Variants in CYP4F3 observed in about 807,000 individuals in gnomAD.
CYP4F3 encodes the protein cytochrome P450 family 4 subfamily F member 3.
Under a neutral mutation model 54.8 loss-of-function variants are expected in CYP4F3, and 50 were observed. That is an observed-to-expected ratio of 0.91 (90% confidence interval 0.73 to 1.16). The LOEUF (loss-of-function observed/expected upper bound fraction) is 1.16, where lower values mean the gene tolerates loss of function less well. Ranked by LOEUF, CYP4F3 falls within the 50% of genes most tolerant of loss-of-function variation. The pLI is 0.00. For synonymous variants in CYP4F3, 244 were observed against 262.6 expected (o/e 0.93, Z 0.69); for missense variants, 715 against 676.2 (o/e 1.06, Z -0.64).
In CYP4F3 at chr19:15,641,537, T is replaced by A; in HGVS notation, c.122T>A (p.Phe41Tyr). 6.2e-7 allele frequency: 1 copy of A among 1,614,108 alleles called. No individual in the cohort carries two copies. Among genetic ancestry groups the A allele is most frequent in the Non-Finnish European group, 8.5e-7 (1 of 1,180,026 alleles). The change falls in exon 2 of 13, where the codon TTC (phenylalanine) becomes TAC (tyrosine). Residue 41 changes from phenylalanine to tyrosine, a missense_variant. Phe to Tyr is a conservative substitution (Grantham distance 22). Coordinates refer to ENST00000221307, the MANE Select transcript of CYP4F3 (RefSeq NM_000896.3). ...LARILAWTYT[F>Y]YDNCCRLRCF... The stretch of plus-strand genomic sequence containing the variant: ...CGCATCCTGGCCTGGACCTATACCT[T>A]CTATGACAACTGCTGCCGCCTCCGG...
rs1972887762 is a variant in CYP4F3 at position 15,652,563 on chromosome 19, C to A, written c.919-6C>A. On this transcript the variant is annotated splice_region_variant and splice_polypyrimidine_tract_variant and intron_variant, in intron 7 of 12. Coordinates refer to ENST00000221307, the MANE Select transcript of CYP4F3 (RefSeq NM_000896.3). Reference sequence around the variant, plus strand: ...TGGGGGTGGGGGGTTATTGCCTTCTCTCCAGGATGAAGATGGGAAGAAGTT... The same window carrying A: ...TGGGGGTGGGGGGTTATTGCCTTCTATCCAGGATGAAGATGGGAAGAAGTT... 1 of 1,613,998 alleles carries A rather than the reference C, an allele frequency of 6.2e-7. No individual in the cohort carries two copies. Among genetic ancestry groups the A allele is most frequent in the Non-Finnish European group, 8.5e-7 (1 of 1,180,022 alleles).
chr19:15,655,545 C>G (rs890779520), intron 9 of CYP4F3, among the ~76,000 whole-genome samples: 8 of 152,176 alleles, frequency 5.3e-5, no homozygotes, highest in Non-Finnish European at 1.2e-4. Context: ...CCTTATTAAG[C>G]TCCACCTTAG....
chr19:15,641,687 G>T, intron 2 of CYP4F3, 74 bp downstream of exon 2: 1 of 1,152,514 alleles, frequency 8.7e-7, no homozygotes, highest in South Asian at 1.2e-5. Context: ...TGAGGCTCAG[G>T]TGAGAGGGGG....
At chr19:15,657,150 T>A (rs115294094) in intron 9 of CYP4F3, among the ~76,000 whole-genome samples, 1,846 of 152,316 alleles carry the variant, frequency 0.012, 38 homozygotes, top group African/African-American at 0.042. Context: ...TTCCCATTAA[T>A]GTATATTTGG....
At chr19:15,650,700 CTTTCTT>C (rs1410740500) in intron 7 of CYP4F3, among the ~76,000 whole-genome samples, 1 of 59,422 alleles carries the variant, frequency 1.7e-5, no homozygotes, top group Non-Finnish European at 2.9e-5. Context: ...TTCTTTCTTT[CTTTCTT>C]TCTTTCTTTC....
At chr19:15,650,556 C>T (rs1468104250) in intron 7 of CYP4F3, among the ~76,000 whole-genome samples, 1 of 152,070 alleles carries the variant, frequency 6.6e-6, no homozygotes, top group Non-Finnish European at 1.5e-5. Context: ...ATGTCTATGT[C>T]TTTGTCTTTT....
intron 4 of CYP4F3, 39 bp from the exon 5 acceptor site, chr19:15,647,158 G>T: frequency 6.2e-7 from 1 of 1,613,988 alleles, no homozygotes; most frequent in Non-Finnish European, 8.5e-7. Context: ...GCCAGGGGAG[G>T]GAGATGCCCT....
At chr19:15,655,162 G>A (rs949202554) in intron 9 of CYP4F3, among the ~76,000 whole-genome samples, 1 of 152,126 alleles carries the variant, frequency 6.6e-6, no homozygotes, top group East Asian at 1.9e-4. Flanking sequence ...TTGGCCATTT[G>A]TATGTTTTAT....
At position 15,659,270 on chromosome 19, in the gene CYP4F3, G is replaced by T; in HGVS notation, c.1448G>T (p.Gly483Val). ...ATGGCGGAGATGAAGGTGGTCCTGG[G>T]GCTCACGCTGCTGCGCTTCCGCGTC... ...FAMAEMKVVL[G>V]LTLLRFRVLP... is the part of the protein sequence containing the mutation. Residue 483 changes from glycine (G) to valine (V), a missense_variant, in exon 13 of 13, where the codon GGG becomes GTG. Gly to Val is a moderately radical substitution (Grantham distance 109, BLOSUM62 -3). Transcript: ENST00000221307. 6.2e-7 allele frequency: 1 copy of T among 1,611,844 alleles called. No homozygotes were observed. Among genetic ancestry groups the T allele is most frequent in the Non-Finnish European group, 8.5e-7 (1 of 1,179,476 alleles).
At chr19:15,641,681 G>A in intron 2 of CYP4F3, 68 bp downstream of exon 2, 2 of 1,465,404 alleles carry the variant, frequency 1.4e-6, no homozygotes, top group South Asian at 1.1e-5. Context: ...TAAGAATGAG[G>A]CTCAGGTGAG....
chr19:15,649,014 C>A, intron 5 of CYP4F3, 146 bp from the exon 6 acceptor site: 1 of 1,318,612 alleles, frequency 7.6e-7, no homozygotes, highest in Non-Finnish European at 1.0e-6. Context: ...CTTTTGCTTG[C>A]ACCATAACCT....
rs1973167360 is a variant in CYP4F3 at position 15,660,879 on chromosome 19, G to A, written c.*1494G>A. 1 of 152,002 alleles carries A rather than the reference G, an allele frequency of 6.6e-6. No homozygotes were observed. Among genetic ancestry groups the A allele is most frequent in the Non-Finnish European group, 1.5e-5 (1 of 68,036 alleles). The allele number at this position is 152,002 out of a possible 1,614,324, so 9.4% of individuals were successfully genotyped here. On this transcript the variant is annotated 3_prime_UTR_variant, in exon 13 of 13. Coordinates refer to ENST00000221307, the MANE Select transcript of CYP4F3 (RefSeq NM_000896.3). ...TTACAGGCACCCACCACCACATCCA[G>A]CTAATTGTTGTATTTTTAATAGAGG...
intron 5 of CYP4F3, among the ~76,000 whole-genome samples, chr19:15,648,954 C>T (rs2283609): frequency 0.46 from 69,997 of 152,026 alleles, 17,400 homozygotes; most frequent in East Asian, 0.68. Context: ...GAACTTGAAC[C>T]TAGGTCTCCT....
At chr19:15,647,009 T>C in intron 3 of CYP4F3, 43 bp from the exon 4 acceptor site, 2 of 1,611,544 alleles carry the variant, frequency 1.2e-6, no homozygotes, top group Non-Finnish European at 1.7e-6. Flanking sequence ...AAGTTCCTCC[T>C]TCACCTGCCT....
At chr19:15,653,446 C>T (rs540872075) in intron 9 of CYP4F3, among the ~76,000 whole-genome samples, 126 of 152,242 alleles carry the variant, frequency 8.3e-4, no homozygotes, top group African/African-American at 2.8e-3. Flanking sequence ...TTCCAACCCC[C>T]ACATCTGTGC....
At position 15,650,097 on chromosome 19, in the gene CYP4F3, C is replaced by T; in HGVS notation, c.832C>T (p.Leu278Phe). The change falls in exon 7 of 13, where the codon CTC becomes TTC. Residue 278 changes from leucine (L) to phenylalanine (F), a missense_variant. Physicochemically the swap from Leu to Phe is conservative, Grantham distance 22 (BLOSUM62 0). Coordinates refer to ENST00000221307, the MANE Select transcript of CYP4F3 (RefSeq NM_000896.3). ...CGTCATCCAGGAGCGGCGCCGCACC[C>T]TCCCTAGCCAGGGTGTTGATGACTT... is the stretch of plus-strand genomic sequence containing the variant. Reference protein sequence around the residue: ...DAVIQERRRTLPSQGVDDFLQ... With the variant: ...DAVIQERRRTFPSQGVDDFLQ... 2.5e-6 allele frequency: 4 copies of T among 1,614,236 alleles called. No homozygotes were observed. The highest frequency in any genetic ancestry group is 3.4e-6 in the Non-Finnish European group (4 of 1,180,044).
intron 2 of CYP4F3, among the ~76,000 whole-genome samples, chr19:15,644,573 G>A (rs1972569338): frequency 7.0e-6 from 1 of 142,366 alleles, no homozygotes; most frequent in Non-Finnish European, 1.5e-5. Context: ...CACCTTGCCT[G>A]TCACAAAGGT....
chr19:15,648,607 A>G (rs1004543876), intron 5 of CYP4F3, among the ~76,000 whole-genome samples: 2 of 152,170 alleles, frequency 1.3e-5, no homozygotes, highest in Non-Finnish European at 2.9e-5. Flanking sequence ...GAAACCCAAC[A>G]TTTATTGAGA....
intron 9 of CYP4F3, among the ~76,000 whole-genome samples, chr19:15,653,673 T>G (rs1325995834): frequency 6.7e-6 from 1 of 148,820 alleles, no homozygotes; most frequent in African/African-American, 2.5e-5. Flanking sequence ...TTGGGTACAG[T>G]TGGGGAGCAG....
Sources: gnomAD v4.1 joint callset for allele counts (sites outside exome capture counted in the v4.1 genomes callset) on GRCh38, gnomAD v4.1.1 for gene constraint, MANE v1.5 for transcripts, NCBI Gene and HGNC (gene_info 2026-07-23, HGNC 2026-07-21) for gene names.